Variants in TMPRSS4 observed in about 807,000 individuals in gnomAD.
TMPRSS4 encodes transmembrane protease serine 4.
In TMPRSS4, 45 loss-of-function variants were observed where a neutral mutation model predicts 56.4. That is an observed-to-expected ratio of 0.80 (90% confidence interval 0.63 to 1.02). TMPRSS4 has a LOEUF of 1.02. TMPRSS4 is among the 50% of genes least tolerant of loss of function. The pLI, the probability that TMPRSS4 is intolerant of heterozygous loss-of-function variation, is 0.00. For missense variants in TMPRSS4, 546 were observed against 556.7 expected (o/e 0.98, Z 0.19); for synonymous variants, 205 against 211.0 (o/e 0.97, Z 0.25).
intron 1 of TMPRSS4, among the ~76,000 whole-genome samples, chr11:118,083,703 T>G (rs1945327666): frequency 6.6e-6 from 1 of 152,182 alleles, no homozygotes; most frequent in Non-Finnish European, 1.5e-5. Flanking sequence ...GCCCAGAAAG[T>G]TGCCTTACTA....
At chr11:118,104,890 C>T in intron 5 of TMPRSS4, 70 bp downstream of exon 5, 2 of 1,443,626 alleles carry the variant, frequency 1.4e-6, no homozygotes, top group South Asian at 1.4e-5. Flanking sequence ...TCCTTCCTCC[C>T]TTCTTCTCTC....
At chr11:118,094,224 T>C (rs2135335428) in intron 1 of TMPRSS4, among the ~76,000 whole-genome samples, 1 of 152,336 alleles carries the variant, frequency 6.6e-6, no homozygotes, top group East Asian at 1.9e-4. Flanking sequence ...GCCAAACCAT[T>C]TTCCAAAGTA....
intron 1 of TMPRSS4, among the ~76,000 whole-genome samples, chr11:118,078,569 G>GC (rs1049793251): frequency 2.0e-5 from 3 of 152,182 alleles, no homozygotes; most frequent in African/African-American, 7.2e-5. Context: ...CCAAGGAGGC[G>GC]CCCCAAAGTT....
rs970346363 is a variant in TMPRSS4 at position 118,119,442 on chromosome 11, C to T, written c.*1529C>T. On this transcript the variant is annotated 3_prime_UTR_variant, in exon 13 of 13. Transcript: ENST00000437212. Reference sequence around the variant, plus strand: ...TGAGCTCACAATCAAAGATCAGAGACGTTGAAAAATAAAAAACACCTTAAG... The same window carrying T: ...TGAGCTCACAATCAAAGATCAGAGATGTTGAAAAATAAAAAACACCTTAAG... The T allele has an allele frequency of 9.2e-6, 8 of 870,492 alleles. No individual in the cohort carries two copies. Among genetic ancestry groups the T allele is most frequent in the African/African-American group, 5.5e-5 (3 of 55,030 alleles). The allele number at this position is 870,492 out of a possible 1,614,324, so 53.9% of individuals were successfully genotyped here.
rs1241239643 is a variant in TMPRSS4, at chr11:118,077,298, C to A, written c.-5C>A. On this transcript the variant is annotated 5_prime_UTR_variant, in exon 1 of 13. Transcript: ENST00000437212. ...CAGGGAGACCGGGAGGATCACAGAG[C>A]CAGCATGGTGAGTGTGGGGCCCTCT... 1 of 1,602,164 alleles carries A rather than the reference C, an allele frequency of 6.2e-7. No individual in the cohort carries two copies. Among genetic ancestry groups the A allele is most frequent in the Non-Finnish European group, 8.5e-7 (1 of 1,174,476 alleles).
chr11:118,099,487 A>AAGAG (rs1421121562), intron 3 of TMPRSS4, among the ~76,000 whole-genome samples: 334 of 151,394 alleles, frequency 2.2e-3, no homozygotes, highest in Non-Finnish European at 4.0e-3. Context: ...AAGAAAAAGA[A>AAGAG]AGAAAGAAAG....
At chr11:118,116,858 C>T (rs640012) in intron 11 of TMPRSS4, among the ~76,000 whole-genome samples, 143,550 of 151,980 alleles carry the variant, frequency 0.94, 67,948 homozygotes, top group East Asian at 0.98. Context: ...ATTACAGGTG[C>T]CTGCCACTAT....
intron 5 of TMPRSS4, 76 bp from the exon 6 acceptor site, chr11:118,107,698 G>A: frequency 1.6e-6 from 2 of 1,273,100 alleles, no homozygotes; most frequent in Non-Finnish European, 2.2e-6. Flanking sequence ...TCTCCTGAAA[G>A]TGGGGGCCAA....
rs139826316 is a variant in TMPRSS4, at chr11:118,103,171, G to A, written c.228G>A (p.Leu76=). The A allele has an allele frequency of 6.2e-7, 1 of 1,614,216 alleles. No homozygotes were observed. The highest frequency in any genetic ancestry group is 8.5e-7 in the Non-Finnish European group (1 of 1,180,038). ...TCCACTTCATCCCGAGGAAGCAGCTGTGTGACGGAGAGCTGGACTGTCCCT... is the reference window on the plus strand; with the variant it reads ...TCCACTTCATCCCGAGGAAGCAGCTATGTGACGGAGAGCTGGACTGTCCCT... ...QPLHFIPRKQ[L]CDGELDCPLG... is the part of the protein sequence containing the mutation. Residue 76 remains leucine, a synonymous_variant, in exon 4 of 13, where the codon CTG becomes CTA. Transcript: ENST00000437212.
At position 118,118,838 on chromosome 11, in the gene TMPRSS4, C is replaced by T. The variant is rs1947693537; in HGVS notation, c.*925C>T. The T allele has an allele frequency of 3.0e-6, 3 of 985,374 alleles. No homozygotes were observed. Among genetic ancestry groups the T allele is most frequent in the Non-Finnish European group, 2.4e-6 (2 of 829,930 alleles). 61.0% of individuals were successfully genotyped at this position (985,374 alleles called of 1,614,324 possible). A position where few individuals can be genotyped will look rare whatever the true frequency, so the allele number is the denominator to read the frequency against. ...GCTGGTCCTGTGTCCTAACTTTTTC[C>T]GCCTGGAGAGCCCTCAGTGTGGCTT... On this transcript the variant is annotated 3_prime_UTR_variant, in exon 13 of 13. Transcript: ENST00000437212.
chr11:118,090,691 G>T (rs1217259047), intron 1 of TMPRSS4, among the ~76,000 whole-genome samples: 8 of 151,680 alleles, frequency 5.3e-5, no homozygotes, highest in African/African-American at 1.9e-4. Flanking sequence ...GGTGGGAGGA[G>T]CCCTTGAGCG....
At chr11:118,102,863 G>T (rs1433037553) in intron 3 of TMPRSS4, 12 of 522,918 alleles carry the variant, frequency 2.3e-5, no homozygotes, top group Non-Finnish European at 3.8e-5. Flanking sequence ...CCACACACGT[G>T]ACCTCTCTTG....
Position 118,113,415 on chromosome 11 carries a change from A to C in TMPRSS4, c.890A>C (p.Gln297Pro). 6.2e-7 allele frequency: 1 copy of C among 1,614,162 alleles called. No homozygotes were observed. The highest frequency in any genetic ancestry group is 8.5e-7 in the Non-Finnish European group (1 of 1,180,008). Residue 297 changes from glutamine to proline, a missense_variant, in exon 9 of 13, where the codon CAG becomes CCG. Transcript: ENST00000437212. Reference sequence around the variant, plus strand: ...AATGACATCGCCCTCATGAAGCTGCAGTTCCCACTCACTTTCTCAGGTGAG... The same window carrying C: ...AATGACATCGCCCTCATGAAGCTGCCGTTCCCACTCACTTTCTCAGGTGAG... Reference protein sequence around the residue: ...KDNDIALMKLQFPLTFSGTVR... With the variant: ...KDNDIALMKLPFPLTFSGTVR...
chr11:118,101,659 G>A (rs763360111), intron 3 of TMPRSS4, among the ~76,000 whole-genome samples: 17 of 152,062 alleles, frequency 1.1e-4, no homozygotes, highest in Non-Finnish European at 1.6e-4. Flanking sequence ...TTAATTTTTC[G>A]TATAGACGAG....
At chr11:118,101,083 C>A (rs1287891779) in intron 3 of TMPRSS4, among the ~76,000 whole-genome samples, 1 of 152,170 alleles carries the variant, frequency 6.6e-6, no homozygotes, top group African/African-American at 2.4e-5. Flanking sequence ...TTCACTCAAG[C>A]CAGGAGTGTC....
chr11:118,104,616 T>A (rs1222780688), intron 4 of TMPRSS4, 75 bp from the exon 5 acceptor site: 2 of 1,606,746 alleles, frequency 1.2e-6, no homozygotes, highest in Non-Finnish European at 1.7e-6. Context: ...CTTGGGCTGG[T>A]CTCATGATGA....
chr11:118,116,326 G>A (rs12223789), intron 11 of TMPRSS4, among the ~76,000 whole-genome samples: 15,030 of 152,122 alleles, frequency 0.099, 1,339 homozygotes, highest in East Asian at 0.42. Flanking sequence ...TCATTTAAGA[G>A]GCATCTCTTA....
intron 2 of TMPRSS4, among the ~76,000 whole-genome samples, chr11:118,096,606 C>G (rs769662678): frequency 1.4e-4 from 22 of 151,810 alleles, no homozygotes; most frequent in Middle Eastern, 3.4e-3. Context: ...GGTAACATGG[C>G]AAAACCCCAT....
chr11:118,082,526 A>G (rs1413593302), intron 1 of TMPRSS4, among the ~76,000 whole-genome samples: 1 of 151,634 alleles, frequency 6.6e-6, no homozygotes, highest in African/African-American at 2.4e-5. Flanking sequence ...ACACCACTGC[A>G]CTCCAGCCTG....
Sources: gnomAD v4.1 joint callset for allele counts (sites outside exome capture counted in the v4.1 genomes callset) on GRCh38, gnomAD v4.1.1 for gene constraint, MANE v1.5 for transcripts, NCBI Gene and HGNC (gene_info 2026-07-23, HGNC 2026-07-21) for gene names.